Variants in TXNDC15 observed in about 807,000 individuals in gnomAD.
TXNDC15 encodes the protein thioredoxin domain-containing protein 15.
A neutral mutation model predicts 35.0 loss-of-function variants in TXNDC15; 24 were observed. The observed-to-expected ratio is 0.68, with a 90% confidence interval of 0.50 to 0.96. TXNDC15 has a LOEUF of 0.96. Among genes scored for constraint, TXNDC15 ranks in the 40% least tolerant of loss-of-function variants. The pLI is 0.00. For synonymous variants in TXNDC15, 169 were observed against 174.0 expected (o/e 0.97, Z 0.23); for missense variants, 385 against 453.3 (o/e 0.85, Z 1.37).
intron 1 of TXNDC15, among the ~76,000 whole-genome samples, chr5:134,885,169 A>C (rs1750251955): frequency 6.6e-6 from 1 of 152,042 alleles, no homozygotes; most frequent in African/African-American, 2.4e-5. Flanking sequence ...TGATCCACCC[A>C]CCTCGGCCTT....
At chr5:134,889,422 C>T (rs1208417105) in intron 2 of TXNDC15, among the ~76,000 whole-genome samples, 1 of 152,176 alleles carries the variant, frequency 6.6e-6, no homozygotes, top group South Asian at 2.1e-4. Context: ...CGAGGTTTTA[C>T]CACGTTGGCC....
intron 1 of TXNDC15, among the ~76,000 whole-genome samples, chr5:134,882,223 G>A (rs560008594): frequency 6.7e-6 from 1 of 150,340 alleles, no homozygotes; most frequent in African/African-American, 2.5e-5. Context: ...GGGCAGAGGC[G>A]CTCCCCACAT....
At chr5:134,874,334 C>T (rs940344367), upstream of TXNDC15, 2 of 1,110,212 alleles carry the variant, frequency 1.8e-6, no homozygotes, top group Non-Finnish European at 2.4e-6. Context: ...GGCGCGGGGC[C>T]GCGCCCGCGC....
At chr5:134,896,467 T>C (rs2150190744) in intron 4 of TXNDC15, 43 bp downstream of exon 4, 1 of 1,608,996 alleles carries the variant, frequency 6.2e-7, no homozygotes, top group Non-Finnish European at 8.5e-7. Flanking sequence ...ATTCTATTGC[T>C]GGGGGTCTGT....
intron 2 of TXNDC15, among the ~76,000 whole-genome samples, chr5:134,890,401 CT>C (rs753572985): frequency 1.3e-5 from 2 of 149,058 alleles, no homozygotes; most frequent in Non-Finnish European, 3.0e-5. Context: ...TTTCTCTTCT[CT>C]TTTCTTTTCT....
intron 4 of TXNDC15, among the ~76,000 whole-genome samples, chr5:134,899,155 CTAGT>C (rs1750551626): frequency 6.6e-6 from 1 of 151,970 alleles, no homozygotes; most frequent in African/African-American, 2.4e-5. Flanking sequence ...AGGAGTTTTA[CTAGT>C]TACTTACTGA....
chr5:134,880,201 A>C (rs957100731), intron 1 of TXNDC15, among the ~76,000 whole-genome samples: 5 of 152,058 alleles, frequency 3.3e-5, no homozygotes, highest in African/African-American at 1.2e-4. Flanking sequence ...TAGCGAATCT[A>C]CCCTACCTTC....
intron 4 of TXNDC15, among the ~76,000 whole-genome samples, chr5:134,898,776 T>C (rs562315133): frequency 2.6e-5 from 4 of 152,084 alleles, no homozygotes; most frequent in Non-Finnish European, 5.9e-5. Flanking sequence ...TTCAGTAAAT[T>C]ATTAAAAGCA....
intron 1 of TXNDC15, among the ~76,000 whole-genome samples, chr5:134,879,694 C>G (rs950861358): frequency 6.6e-6 from 1 of 152,128 alleles, no homozygotes; most frequent in African/African-American, 2.4e-5. Context: ...GGATTGTAGT[C>G]ACAGAAGTGC....
intron 1 of TXNDC15, among the ~76,000 whole-genome samples, chr5:134,876,231 T>C (rs1043115439): frequency 6.6e-6 from 1 of 152,222 alleles, no homozygotes; most frequent in Non-Finnish European, 1.5e-5. Flanking sequence ...CCTGTGTGGC[T>C]GTCCTGTGTG....
intron 2 of TXNDC15, chr5:134,892,354 GAGTT>G (rs1449789619): frequency 6.6e-6 from 1 of 152,178 alleles, no homozygotes; most frequent in Non-Finnish European, 1.5e-5. Context: ...GAATTGAAGA[GAGTT>G]AGGGCCTTGC....
Position 134,901,135 on chromosome 5 carries a change from G to C in TXNDC15, c.*1450G>C, listed in dbSNP as rs962779378. The C allele has an allele frequency of 6.6e-6, 1 of 152,170 alleles. No individual in the cohort carries two copies. Among genetic ancestry groups the C allele is most frequent in the African/African-American group, 2.4e-5 (1 of 41,450 alleles). 9.4% of individuals were successfully genotyped at this position (152,170 alleles called of 1,614,324 possible). On this transcript the variant is annotated 3_prime_UTR_variant, in exon 5 of 5. Transcript: ENST00000358387. ...GTTTCTAAAAGATTCCTTAAATTCA[G>C]ATATGACAGCTAATTACCTCATCAT...
Position 134,874,515 on chromosome 5 carries a change from G to A in TXNDC15, c.88G>A (p.Val30Ile). 1 of 1,601,278 alleles carries A rather than the reference G, an allele frequency of 6.2e-7. No individual in the cohort carries two copies. The highest frequency in any genetic ancestry group is 1.1e-5 in the South Asian group (1 of 90,410). The change falls in exon 1 of 5, where the codon GTC (valine) becomes ATC (isoleucine). Residue 30 changes from valine to isoleucine, a missense_variant. Physicochemically the swap from Val to Ile is conservative, Grantham distance 29. Transcript: ENST00000358387. ...QVLLWVLGLPVRGVEVAEESG... is the reference protein window; with the variant it reads ...QVLLWVLGLPIRGVEVAEESG... ...ATTGCTGTGGGTGCTGGGACTTCCC[G>A]TCCGCGGCGTGGAGGGTGAGTGTGG... is the stretch of plus-strand genomic sequence containing the variant.
chr5:134,882,613 G>A (rs917852446), intron 1 of TXNDC15, among the ~76,000 whole-genome samples: 12 of 152,252 alleles, frequency 7.9e-5, no homozygotes, highest in African/African-American at 2.7e-4. Context: ...CGAGGCTGGC[G>A]GATCACTCGC....
rs755011480 is a variant in TXNDC15, at chr5:134,879,530, CAT to C, written c.103+5001_103+5002del. 1.1e-3 allele frequency among the ~76,000 whole-genome samples: 165 copies of C among 152,236 alleles called. 2 individuals are homozygous for C. The highest frequency in any genetic ancestry group is 2.0e-3 in the Non-Finnish European group (133 of 68,004). The stretch of plus-strand genomic sequence containing the variant: ...TTTGTCTTGTGGCTGACACAGAAAA[CAT>C]GTGTGTTTGTTTTTTCTTCTGATCA... On this transcript the variant is annotated intron_variant, in intron 1 of 4. Coordinates refer to ENST00000358387, the MANE Select transcript of TXNDC15 (RefSeq NM_024715.4).
intron 3 of TXNDC15, among the ~76,000 whole-genome samples, chr5:134,893,863 G>C (rs975143702): frequency 4.6e-5 from 7 of 152,106 alleles, no homozygotes; most frequent in African/African-American, 1.7e-4. Context: ...AAAGAAAGTG[G>C]GCTGTTCTCT....
chr5:134,897,539 G>A (rs185525914), intron 4 of TXNDC15, among the ~76,000 whole-genome samples: 64 of 152,330 alleles, frequency 4.2e-4, no homozygotes, highest in Non-Finnish European at 7.9e-4. Flanking sequence ...GTGAGCCACC[G>A]TGCCTGGCCT....
Position 134,901,170 on chromosome 5 carries a change from T to C in TXNDC15, c.*1485T>C, listed in dbSNP as rs1157935490. ...CTAATTACCTCATCATAAATTACTT[T>C]TATACTAATTGTTTCCAGGGTTTTA... On this transcript the variant is annotated 3_prime_UTR_variant, in exon 5 of 5. Coordinates refer to ENST00000358387, the MANE Select transcript of TXNDC15 (RefSeq NM_024715.4). 6.6e-6 allele frequency: 1 copy of C among 152,222 alleles called. No homozygotes were observed. The highest frequency in any genetic ancestry group is 1.9e-4 in the East Asian group (1 of 5,200). The allele number at this position is 152,222 out of a possible 1,614,324, so 9.4% of individuals were successfully genotyped here.
In TXNDC15 at chr5:134,887,969, C is replaced by G. The variant is rs773605001; in HGVS notation, c.378C>G (p.Val126=). Reference sequence around the variant, plus strand: ...GAGCGGAGGACTCAAGGTGCAACGTCCGAGAGAGCCTTTTCTCTCTGGATG... The same window carrying G: ...GAGCGGAGGACTCAAGGTGCAACGTGCGAGAGAGCCTTTTCTCTCTGGATG... ...AGGAEDSRCN[V]RESLFSLDGA... The change falls in exon 2 of 5, where the codon GTC becomes GTG. Residue 126 remains valine, a synonymous_variant. Coordinates refer to ENST00000358387, the MANE Select transcript of TXNDC15 (RefSeq NM_024715.4). 6.2e-7 allele frequency: 1 copy of G among 1,614,216 alleles called. No individual in the cohort carries two copies. The highest frequency in any genetic ancestry group is 1.3e-5 in the African/African-American group (1 of 75,052).
Sources: allele counts gnomAD v4.1 joint callset (sites outside exome capture counted in the v4.1 genomes callset), GRCh38; gene constraint gnomAD v4.1.1; transcripts MANE v1.5; gene names NCBI Gene and HGNC (gene_info 2026-07-23, HGNC 2026-07-21).